Variants in SNX7 observed in about 807,000 individuals in gnomAD.
SNX7 encodes sorting nexin 7.
A neutral mutation model predicts 48.4 loss-of-function variants in SNX7; 35 were observed. The ratio of observed to expected loss-of-function variants is 0.72; its 90% CI spans 0.55 to 0.96. The LOEUF (loss-of-function observed/expected upper bound fraction) is 0.96. Among genes scored for constraint, SNX7 ranks in the 40% least tolerant of loss-of-function variants. SNX7 has a pLI of 0.00. For synonymous variants in SNX7, 190 were observed against 190.2 expected, an observed-to-expected ratio of 1.00 and a Z score of 0.01; for missense variants, 553 against 548.9, an observed-to-expected ratio of 1.01 and a Z score of -0.07.
At chr1:98,701,996 G>T in intron 7 of SNX7, 93 bp downstream of exon 7, 1 of 847,880 alleles carries the variant, frequency 1.2e-6, no homozygotes, top group Non-Finnish European at 1.8e-6. Flanking sequence ...TTACATGATT[G>T]TTTCTTATAT....
chr1:98,689,678 T>G (rs889008745), intron 2 of SNX7, among the ~76,000 whole-genome samples: 2 of 152,228 alleles, frequency 1.3e-5, no homozygotes, highest in Non-Finnish European at 2.9e-5. Flanking sequence ...CCTGTACGTA[T>G]GTACCCGGTA....
At chr1:98,732,188 A>G (rs1262798376) in intron 7 of SNX7, among the ~76,000 whole-genome samples, 1 of 152,106 alleles carries the variant, frequency 6.6e-6, no homozygotes, top group African/African-American at 2.4e-5. Flanking sequence ...CAGTGGGCTT[A>G]TTGGGAGGTA....
intron 1 of SNX7, among the ~76,000 whole-genome samples, chr1:98,672,129 G>T (rs1232367216): frequency 1.3e-5 from 2 of 152,110 alleles, no homozygotes; most frequent in African/African-American, 4.8e-5. Context: ...AGGTTATGCT[G>T]CAGTACAACC....
intron 1 of SNX7, among the ~76,000 whole-genome samples, chr1:98,682,824 A>G (rs1222425787): frequency 6.6e-6 from 1 of 152,108 alleles, no homozygotes; most frequent in Non-Finnish European, 1.5e-5. Context: ...ACTTTATGTC[A>G]AGGATATTTT....
chr1:98,745,908 G>A (rs1654287304), intron 8 of SNX7, among the ~76,000 whole-genome samples: 1 of 152,046 alleles, frequency 6.6e-6, no homozygotes, highest in African/African-American at 2.4e-5. Context: ...TTCTCCTTGT[G>A]TTTCGAGAGC....
At chr1:98,701,924 A>T in intron 7 of SNX7, 21 bp downstream of exon 7, 1 of 1,514,946 alleles carries the variant, frequency 6.6e-7, no homozygotes, top group Non-Finnish European at 9.1e-7. Context: ...AAGTTTCTTG[A>T]TACAATCATA....
chr1:98,663,061 C>G (rs147098132), intron 1 of SNX7, among the ~76,000 whole-genome samples: 1 of 152,146 alleles, frequency 6.6e-6, no homozygotes, highest in South Asian at 2.1e-4. Context: ...GTTGTAAACT[C>G]TGCCTTTTTA....
At chr1:98,681,644 A>G (rs1650496249) in intron 1 of SNX7, among the ~76,000 whole-genome samples, 1 of 152,210 alleles carries the variant, frequency 6.6e-6, no homozygotes, top group Non-Finnish European at 1.5e-5. Context: ...ATAGAAAGTG[A>G]AAGGTGAGAA....
chr1:98,677,633 A>G (rs1650235525), intron 1 of SNX7, among the ~76,000 whole-genome samples: 1 of 152,166 alleles, frequency 6.6e-6, no homozygotes, highest in Non-Finnish European at 1.5e-5. Flanking sequence ...TAATCCCAGC[A>G]CTTTGGTAGG....
intron 8 of SNX7, among the ~76,000 whole-genome samples, chr1:98,747,237 G>A (rs369010675): frequency 6.6e-6 from 1 of 152,278 alleles, no homozygotes; most frequent in Non-Finnish European, 1.5e-5. Context: ...CTTGCAGAAT[G>A]AGTGTTCTAC....
intron 7 of SNX7, among the ~76,000 whole-genome samples, chr1:98,705,471 T>G (rs1651961925): frequency 6.6e-6 from 1 of 152,180 alleles, no homozygotes; most frequent in South Asian, 2.1e-4. Context: ...AGGATTAAAT[T>G]GTGTAATGCA....
chr1:98,693,249 A>G (rs1651247747), intron 4 of SNX7, among the ~76,000 whole-genome samples: 2 of 152,176 alleles, frequency 1.3e-5, no homozygotes, highest in Admixed American at 1.3e-4. Context: ...TTAATTATCT[A>G]AGTGGGGGAG....
chr1:98,701,898 G>C lies in SNX7; in HGVS notation c.1120G>C (p.Asp374His). Reference sequence around the variant, plus strand: ...TTTGACCTATAAAAAGGCAGATACTGATCTGGTAAGTTTTTAAGTTTCTTG... The same window carrying C: ...TTTGACCTATAAAAAGGCAGATACTCATCTGGTAAGTTTTTAAGTTTCTTG... ...EVLTYKKADT[D>H]LLPEEIGKLE... Residue 374 changes from aspartate to histidine, a missense_variant, in exon 7 of 9, where the codon GAT (aspartate) becomes CAT (histidine). Coordinates refer to ENST00000306121, the MANE Select transcript of SNX7 (RefSeq NM_015976.5). The C allele has an allele frequency of 6.2e-7, 1 of 1,603,384 alleles. No homozygotes were observed. Among genetic ancestry groups the C allele is most frequent in the Non-Finnish European group, 8.5e-7 (1 of 1,174,724 alleles).
At chr1:98,689,800 A>G (rs1651015181) in intron 2 of SNX7, among the ~76,000 whole-genome samples, 4 of 152,190 alleles carry the variant, frequency 2.6e-5, no homozygotes, top group Non-Finnish European at 4.4e-5. Context: ...ACCAGTCTAT[A>G]TTATTAAACT....
chr1:98,677,991 G>A (rs9285630), intron 1 of SNX7, among the ~76,000 whole-genome samples: 102,551 of 130,686 alleles, frequency 0.78, 37,259 homozygotes, highest in Non-Finnish European at 0.85. Context: ...GTGTGTGTGC[G>A]TGTGTGTGTG....
intron 1 of SNX7, among the ~76,000 whole-genome samples, chr1:98,675,924 T>A (rs1357535350): frequency 6.6e-6 from 1 of 152,178 alleles, no homozygotes; most frequent in Non-Finnish European, 1.5e-5. Flanking sequence ...GTTCTTACTG[T>A]CTCTTAGCAC....
intron 8 of SNX7, among the ~76,000 whole-genome samples, chr1:98,748,383 G>A (rs968100772): frequency 6.6e-6 from 1 of 152,018 alleles, no homozygotes; most frequent in Non-Finnish European, 1.5e-5. Context: ...TGCAAATAAA[G>A]TGAGCCTAGG....
intron 8 of SNX7, among the ~76,000 whole-genome samples, chr1:98,755,507 C>T (rs921987832): frequency 6.6e-6 from 1 of 151,732 alleles, no homozygotes; most frequent in African/African-American, 2.4e-5. Context: ...GCCCTTTTAT[C>T]ATTATGAAAT....
At chr1:98,684,852 T>C (rs1650699267) in intron 1 of SNX7, 33 bp from the exon 2 acceptor site, 3 of 1,408,310 alleles carry the variant, frequency 2.1e-6, no homozygotes, top group Non-Finnish European at 1.9e-6. Flanking sequence ...AATTTTTCTA[T>C]TGATACTAAT....
Sources: gnomAD v4.1 joint callset for allele counts (sites outside exome capture counted in the v4.1 genomes callset) on GRCh38, gnomAD v4.1.1 for gene constraint, MANE v1.5 for transcripts, NCBI Gene and HGNC (gene_info 2026-07-23, HGNC 2026-07-21) for gene names.